The following ADAMTS19 variants were observed in gnomAD, a reference collection of about 807,000 sequenced individuals.
ADAMTS19 encodes the protein A disintegrin and metalloproteinase with thrombospondin motifs 19.
A neutral mutation model predicts 153.3 loss-of-function variants in ADAMTS19; 93 were observed. The ratio of observed to expected loss-of-function variants is 0.61; its 90% CI spans 0.51 to 0.72. ADAMTS19 has a LOEUF of 0.72. Ranked by LOEUF, ADAMTS19 falls within the 30% of genes least tolerant of loss-of-function variation. The pLI is 0.00. For synonymous variants in ADAMTS19, 600 were observed against 556.6 expected (o/e 1.08, Z -1.10); for missense variants, 1,482 against 1,552.1 (o/e 0.95, Z 0.76).
intron 3 of ADAMTS19, among the ~76,000 whole-genome samples, chr5:129,510,858 T>TAC (rs766434605): frequency 7.0e-6 from 1 of 143,100 alleles, no homozygotes; most frequent in Non-Finnish European, 1.5e-5. Context: ...GTTTCTGAGA[T>TAC]ATATATATAT....
intron 2 of ADAMTS19, among the ~76,000 whole-genome samples, chr5:129,499,857 C>T (rs1338758673): frequency 1.3e-5 from 2 of 152,268 alleles, no homozygotes; most frequent in East Asian, 3.9e-4. Flanking sequence ...GAAGTCTCTT[C>T]TCTGAGGTCC....
chr5:129,480,119 C>T (rs1750359886), intron 2 of ADAMTS19, among the ~76,000 whole-genome samples: 1 of 152,010 alleles, frequency 6.6e-6, no homozygotes, highest in South Asian at 2.1e-4. Context: ...GAACATAAGA[C>T]GGAATCCAGA....
intron 16 of ADAMTS19, among the ~76,000 whole-genome samples, chr5:129,668,773 C>T (rs1167504583): frequency 6.6e-6 from 1 of 152,028 alleles, no homozygotes; most frequent in Non-Finnish European, 1.5e-5. Context: ...AAATATATAT[C>T]ACATAAAATT....
At chr5:129,573,584 T>A (rs143820950) in intron 7 of ADAMTS19, among the ~76,000 whole-genome samples, 1 of 152,210 alleles carries the variant, frequency 6.6e-6, no homozygotes, top group Non-Finnish European at 1.5e-5. Context: ...GAATTTCTGA[T>A]AAGAAAATAT....
In ADAMTS19 at chr5:129,509,219, G is replaced by A; in HGVS notation, c.890G>A (p.Ser297Asn). 1 of 1,611,664 alleles carries A rather than the reference G, an allele frequency of 6.2e-7. No individual in the cohort carries two copies. The highest frequency in any genetic ancestry group is 8.5e-7 in the Non-Finnish European group (1 of 1,178,428). Reference protein sequence around the residue: ...EKVTEKSALHSHYCGIISDKG... With the variant: ...EKVTEKSALHNHYCGIISDKG... The stretch of plus-strand genomic sequence containing the variant: ...GTCACAGAGAAGTCAGCTCTTCACA[G>A]TCATTACTGTGGTATCATTTCAGGT... The change falls in exon 3 of 23, where the codon AGT (serine) becomes AAT (asparagine). Residue 297 changes from serine (S) to asparagine (N), a missense_variant. Physicochemically the swap from Ser to Asn is conservative, Grantham distance 46. Around this residue, in one of 2 missense-constraint regions of ADAMTS19, gnomAD observed 866 missense variants for 827.7 expected, o/e 1.05. Transcript: ENST00000274487.
intron 2 of ADAMTS19, among the ~76,000 whole-genome samples, chr5:129,501,007 CCACA>C (rs1238228233): frequency 6.6e-6 from 1 of 151,732 alleles, no homozygotes; most frequent in Non-Finnish European, 1.5e-5. Flanking sequence ...AAACGTATGC[CCACA>C]CACAGATACA....
chr5:129,606,388 C>T (rs187025781), intron 8 of ADAMTS19, among the ~76,000 whole-genome samples: 11 of 152,300 alleles, frequency 7.2e-5, no homozygotes, highest in Non-Finnish European at 1.5e-4. Context: ...CTCTTTCTCC[C>T]CTTAGTTACT....
intron 19 of ADAMTS19, among the ~76,000 whole-genome samples, chr5:129,700,680 A>T (rs761835565): frequency 2.0e-5 from 3 of 152,172 alleles, no homozygotes; most frequent in African/African-American, 4.8e-5. Context: ...AAAGATGTAA[A>T]TTACAAAGAA....
At chr5:129,644,267 A>T (rs1752956245) in intron 11 of ADAMTS19, among the ~76,000 whole-genome samples, 1 of 152,214 alleles carries the variant, frequency 6.6e-6, no homozygotes, top group Non-Finnish European at 1.5e-5. Context: ...GCTTCTTCAA[A>T]TATTCATCTG....
At position 129,485,864 on chromosome 5, in the gene ADAMTS19, C is replaced by T. The variant is rs145360408; in HGVS notation, c.748-23213C>T. Among the ~76,000 whole-genome samples the T allele has an allele frequency of 2.4e-4, 37 of 152,226 alleles. 1 individual carries two copies. The East Asian group carries it at 6.9e-3, about 29-fold the overall frequency. ...TGGAATGCAGTGGTTGATCTGAGCT[C>T]ACTGCAACCTCCACCTTCCAGGTTC... is the stretch of plus-strand genomic sequence containing the variant. On this transcript the variant is annotated intron_variant, in intron 2 of 22. Coordinates refer to ENST00000274487, the MANE Select transcript of ADAMTS19 (RefSeq NM_133638.6).
chr5:129,597,536 A>ATAAT (rs2126921980), intron 8 of ADAMTS19, among the ~76,000 whole-genome samples: 1 of 152,256 alleles, frequency 6.6e-6, no homozygotes, highest in East Asian at 1.9e-4. Flanking sequence ...GTGAATCGGG[A>ATAAT]TAATACCTTT....
At chr5:129,619,792 C>A (rs986905499) in intron 8 of ADAMTS19, among the ~76,000 whole-genome samples, 4 of 151,800 alleles carry the variant, frequency 2.6e-5, no homozygotes, top group East Asian at 1.9e-4. Context: ...TTGAGTGAAA[C>A]ACTTAGAAGG....
chr5:129,533,087 A>C (rs1182705377), intron 6 of ADAMTS19, among the ~76,000 whole-genome samples: 1 of 152,098 alleles, frequency 6.6e-6, no homozygotes, highest in South Asian at 2.1e-4. Context: ...TGGGCAACAG[A>C]GTGAGACTCC....
chr5:129,468,631 C>T (rs537883682), intron 2 of ADAMTS19, among the ~76,000 whole-genome samples: 2 of 152,174 alleles, frequency 1.3e-5, no homozygotes, highest in South Asian at 2.1e-4. Context: ...GGATTGCAGG[C>T]GTGAGCCACT....
chr5:129,476,759 T>A (rs1580987453), intron 2 of ADAMTS19, among the ~76,000 whole-genome samples: 1 of 152,172 alleles, frequency 6.6e-6, no homozygotes, highest in South Asian at 2.1e-4. Flanking sequence ...AATTTATTAA[T>A]GAGATAAAGA....
At chr5:129,693,528 C>G (rs1755426237) in intron 18 of ADAMTS19, among the ~76,000 whole-genome samples, 1 of 152,136 alleles carries the variant, frequency 6.6e-6, no homozygotes, top group Admixed American at 6.6e-5. Context: ...GCTGATTTAA[C>G]TGTCTTATAG....
intron 8 of ADAMTS19, among the ~76,000 whole-genome samples, chr5:129,610,558 C>A (rs755308212): frequency 6.6e-6 from 1 of 151,924 alleles, no homozygotes; most frequent in Non-Finnish European, 1.5e-5. Flanking sequence ...TTTGTCCTTG[C>A]GATAGTTTGC....
At chr5:129,725,477 C>T (rs776984926) in intron 21 of ADAMTS19, among the ~76,000 whole-genome samples, 1 of 152,010 alleles carries the variant, frequency 6.6e-6, no homozygotes, top group South Asian at 2.1e-4. Flanking sequence ...AGGTCATATA[C>T]GAGTTAAACT....
At chr5:129,730,255 A>C (rs1218555047) in intron 21 of ADAMTS19, among the ~76,000 whole-genome samples, 1 of 152,126 alleles carries the variant, frequency 6.6e-6, no homozygotes, top group Non-Finnish European at 1.5e-5. Context: ...AACTGGAAAT[A>C]TTCAAATCCT....
Sources: allele counts gnomAD v4.1 joint callset (sites outside exome capture counted in the v4.1 genomes callset), GRCh38; gene constraint gnomAD v4.1.1; regional missense constraint gnomAD v4.1.1; transcripts MANE v1.5; gene names NCBI Gene and HGNC (gene_info 2026-07-23, HGNC 2026-07-21).